The following PAPSS1 variants were observed in gnomAD, a reference collection of about 807,000 sequenced individuals.
PAPSS1 encodes 3'-phosphoadenosine 5'-phosphosulfate synthase 1, also known as bifunctional 3'-phosphoadenosine 5'-phosphosulfate synthase 1.
In PAPSS1, 50 loss-of-function variants were observed where a neutral mutation model predicts 72.0. The ratio of observed to expected loss-of-function variants is 0.69; its 90% CI spans 0.55 to 0.88. The LOEUF is 0.88. PAPSS1 is among the 40% of genes least tolerant of loss of function. PAPSS1 has a pLI of 0.00. For missense variants in PAPSS1, 657 were observed against 782.2 expected (o/e 0.84, Z 1.91); for synonymous variants, 261 against 263.6 (o/e 0.99, Z 0.09).
chr4:107,720,232 G>T lies in PAPSS1; in HGVS notation c.-53C>A. ...GTTCTCTGCGCCGGGAGGGTAGCAA[G>T]AGGAGGGCAGGCCAGCGAGCGGGGC... is the stretch of plus-strand genomic sequence containing the variant. On this transcript the variant is annotated 5_prime_UTR_variant, in exon 1 of 12. Transcript: ENST00000265174. The T allele has an allele frequency of 6.4e-7, 1 of 1,557,688 alleles. No homozygotes were observed. Among genetic ancestry groups the T allele is most frequent in the South Asian group, 1.1e-5 (1 of 87,704 alleles).
At chr4:107,708,554 C>T (rs924241312) in intron 1 of PAPSS1, among the ~76,000 whole-genome samples, 10 of 152,170 alleles carry the variant, frequency 6.6e-5, no homozygotes, top group Admixed American at 2.0e-4. Context: ...ATATCTTCTG[C>T]TTTTCTTATC....
At chr4:107,626,800 A>G (rs1351145991) in intron 11 of PAPSS1, among the ~76,000 whole-genome samples, 2 of 152,214 alleles carry the variant, frequency 1.3e-5, no homozygotes, top group Non-Finnish European at 2.9e-5. Context: ...TCACCTTTCC[A>G]CAAAATTTTA....
chr4:107,691,889 A>T (rs1722931936), intron 3 of PAPSS1, among the ~76,000 whole-genome samples: 1 of 152,182 alleles, frequency 6.6e-6, no homozygotes, highest in African/African-American at 2.4e-5. Context: ...AAAATAACAT[A>T]TGCATACCTG....
At position 107,631,768 on chromosome 4, in the gene PAPSS1, C is replaced by T. The variant is rs1220860844; in HGVS notation, c.1599G>A (p.Gly533=). 3 of 1,613,976 alleles carry T rather than the reference C, an allele frequency of 1.9e-6. No individual in the cohort carries two copies. The highest frequency in any genetic ancestry group is 1.3e-5 in the African/African-American group (1 of 74,908). ...DPAGMPHPET[G]KDLYEPSHGA... ...CATGACTTGGCTCATAAAGATCCTT[C>T]CCTGTTTCTGGATGAGGCATGCCAG... The change falls in exon 11 of 12, where the codon GGG becomes GGA. Residue 533 remains glycine, a synonymous_variant. Coordinates refer to ENST00000265174, the MANE Select transcript of PAPSS1 (RefSeq NM_005443.5).
Position 107,693,806 on chromosome 4 carries a change from C to A in PAPSS1, c.376G>T (p.Val126Leu). ...GGTGATATGAAACTTGTGATGCACA[C>A]TAAGCCAGCATCTGCAAACAGTTTA... ...VAKLFADAGL[V>L]CITSFISPYT... The change falls in exon 3 of 12, where the codon GTG (valine) becomes TTG (leucine). Residue 126 changes from valine (V) to leucine (L), a missense_variant. Physicochemically the swap from Val to Leu is conservative, Grantham distance 32 (BLOSUM62 1). Coordinates refer to ENST00000265174, the MANE Select transcript of PAPSS1 (RefSeq NM_005443.5). 1.2e-6 allele frequency: 2 copies of A among 1,613,844 alleles called. No homozygotes were observed. Among genetic ancestry groups the A allele is most frequent in the East Asian group, 2.2e-5 (1 of 44,874 alleles).
intron 3 of PAPSS1, among the ~76,000 whole-genome samples, chr4:107,687,811 C>T (rs377569463): frequency 1.3e-5 from 2 of 152,082 alleles, no homozygotes; most frequent in East Asian, 1.9e-4. Flanking sequence ...CACATTTATA[C>T]TCCATTAATC....
chr4:107,685,597 G>C (rs532439780), intron 4 of PAPSS1, among the ~76,000 whole-genome samples: 8 of 152,154 alleles, frequency 5.3e-5, no homozygotes, highest in Non-Finnish European at 1.2e-4. Flanking sequence ...TGATCTTTCT[G>C]AGTCAAGAAA....
At chr4:107,692,299 A>T (rs1421653331) in intron 3 of PAPSS1, among the ~76,000 whole-genome samples, 1 of 152,170 alleles carries the variant, frequency 6.6e-6, no homozygotes, top group Admixed American at 6.6e-5. Context: ...CAAATTTACA[A>T]GAAAAAAACA....
rs557717507 is a variant in PAPSS1 at position 107,682,154 on chromosome 4, T to C, written c.551-21A>G. On this transcript the variant is annotated intron_variant, in intron 4 of 11. Transcript: ENST00000265174. The stretch of plus-strand genomic sequence containing the variant: ...GAAACCTGCAAAAGGTAACAGATAA[T>C]AGAGTAGGGTGGAAAATAAAATTAA... 5 of 1,140,214 alleles carry C rather than the reference T, an allele frequency of 4.4e-6. No homozygotes were observed. In the African/African-American group the frequency reaches 6.2e-5, roughly 14 times the overall value. 70.6% of individuals were successfully genotyped at this position (1,140,214 alleles called of 1,614,324 possible). A position where few individuals can be genotyped will look rare whatever the true frequency, so the allele number is the denominator to read the frequency against.
rs182905167 is a variant in PAPSS1, at chr4:107,672,387, C to T, written c.669+9628G>A. On this transcript the variant is annotated intron_variant, in intron 5 of 11. Transcript: ENST00000265174. ...CCACCCTAATGCCGCACTTTTCCAA[C>T]GGTCTTAGCAAACAGCACACCAGGA... Among the ~76,000 whole-genome samples, 180 of 152,340 alleles carry T rather than the reference C, an allele frequency of 1.2e-3. 1 individual carries two copies. In the South Asian group the frequency reaches 0.016, roughly 13 times the overall value.
At chr4:107,636,801 G>A (rs192121918) in intron 10 of PAPSS1, among the ~76,000 whole-genome samples, 5 of 152,198 alleles carry the variant, frequency 3.3e-5, no homozygotes, top group Non-Finnish European at 5.9e-5. Context: ...AAAATGGAAG[G>A]CAGAACATGG....
At chr4:107,691,011 C>T (rs1305904347) in intron 3 of PAPSS1, among the ~76,000 whole-genome samples, 1 of 152,052 alleles carries the variant, frequency 6.6e-6, no homozygotes, top group Non-Finnish European at 1.5e-5. Flanking sequence ...TTATTATGCT[C>T]CTATTATTTA....
intron 3 of PAPSS1, among the ~76,000 whole-genome samples, chr4:107,689,817 C>T (rs1044075242): frequency 6.6e-6 from 1 of 152,172 alleles, no homozygotes; most frequent in Admixed American, 6.5e-5. Flanking sequence ...ACTCCACTAG[C>T]ACTTCAAACA....
intron 9 of PAPSS1, among the ~76,000 whole-genome samples, chr4:107,649,784 A>G (rs930532876): frequency 2.6e-5 from 4 of 152,260 alleles, no homozygotes; most frequent in African/African-American, 9.6e-5. Context: ...ACTACCACAC[A>G]CTATTCTGAA....
intron 5 of PAPSS1, among the ~76,000 whole-genome samples, chr4:107,665,871 G>C (rs781225991): frequency 3.3e-5 from 5 of 152,112 alleles, no homozygotes; most frequent in Non-Finnish European, 7.4e-5. Flanking sequence ...TGCGCTACAT[G>C]AAAGTGGTAG....
chr4:107,720,004 C>T, intron 1 of PAPSS1, 116 bp downstream of exon 1: 1 of 1,510,272 alleles, frequency 6.6e-7, no homozygotes, highest in South Asian at 1.2e-5. Flanking sequence ...CGGAACCCAC[C>T]TCCGCGCTCC....
chr4:107,669,284 C>T (rs1389533498), intron 5 of PAPSS1, among the ~76,000 whole-genome samples: 2 of 152,216 alleles, frequency 1.3e-5, no homozygotes, highest in East Asian at 1.9e-4. Context: ...TCACTGGTTT[C>T]TCCATGTGCC....
chr4:107,670,749 G>A (rs1234314675), intron 5 of PAPSS1, among the ~76,000 whole-genome samples: 5 of 152,208 alleles, frequency 3.3e-5, no homozygotes, highest in African/African-American at 1.2e-4. Context: ...TGTTGCCCAG[G>A]CTGGTCTTGA....
At chr4:107,652,998 C>T (rs1726890244) in intron 9 of PAPSS1, among the ~76,000 whole-genome samples, 1 of 151,712 alleles carries the variant, frequency 6.6e-6, no homozygotes, top group Non-Finnish European at 1.5e-5. Flanking sequence ...ACACACTGTG[C>T]ACTTCCAATA....
Sources: allele counts gnomAD v4.1 joint callset (sites outside exome capture counted in the v4.1 genomes callset), GRCh38; gene constraint gnomAD v4.1.1; transcripts MANE v1.5; gene names NCBI Gene and HGNC (gene_info 2026-07-23, HGNC 2026-07-21).